Variants in DLC1 observed in about 807,000 individuals in gnomAD.
The protein encoded by DLC1 is rho GTPase-activating protein 7.
Under a neutral mutation model 140.3 loss-of-function variants are expected in DLC1, and 54 were observed. The ratio of observed to expected loss-of-function variants is 0.38; its 90% CI spans 0.31 to 0.48. The LOEUF (loss-of-function observed/expected upper bound fraction) is 0.48. DLC1 is among the 20% of genes least tolerant of loss of function. The probability of loss-of-function intolerance (pLI) is 0.96; values close to 1 mark genes in which losing one functional copy is unlikely to be tolerated. For missense variants in DLC1, 2,536 were observed against 1,907.0 expected, an observed-to-expected ratio of 1.33 and a Z score of -6.14; for synonymous variants, 986 against 728.1, an observed-to-expected ratio of 1.35 and a Z score of -5.70.
intron 5 of DLC1, among the ~76,000 whole-genome samples, chr8:13,299,731 G>C (rs1832109371): frequency 6.6e-6 from 1 of 152,098 alleles, no homozygotes. Flanking sequence ...ACATTGAGGG[G>C]AGTTTAATAA....
At chr8:13,312,386 A>AAAAAT (rs71207139) in intron 4 of DLC1, among the ~76,000 whole-genome samples, 9 of 81,698 alleles carry the variant, frequency 1.1e-4, no homozygotes, top group South Asian at 4.5e-4. Context: ...AAAAAAAAAA[A>AAAAAT]AATAATTTCT....
rs749310607 is a variant in DLC1 at position 13,110,807 on chromosome 8, G to A, written c.1437C>T (p.Ile479=). ...GCTCTCTCTTGACCAAGGAAATATC[G>A]ATGGGGAACAGGAAATCTATGAGAA... ...AQLYEDFLFP[I]DISLVKREHD... The change falls in exon 7 of 18, where the codon ATC becomes ATT. Residue 479 remains isoleucine (I), a synonymous_variant. Transcript: ENST00000276297. 9 of 1,613,924 alleles carry A rather than the reference G, an allele frequency of 5.6e-6. No individual in the cohort carries two copies. Among genetic ancestry groups the A allele is most frequent in the East Asian group, 4.5e-5 (2 of 44,878 alleles).
At chr8:13,395,545 C>T (rs539184112) in intron 3 of DLC1, among the ~76,000 whole-genome samples, 3 of 152,138 alleles carry the variant, frequency 2.0e-5, no homozygotes, top group Admixed American at 6.5e-5. Flanking sequence ...AGAACATGAT[C>T]GTTAAATACA....
At chr8:13,304,829 A>T (rs1832350248) in intron 5 of DLC1, 1 of 980,012 alleles carries the variant, frequency 1.0e-6, no homozygotes, top group African/African-American at 1.7e-5. Context: ...CAATACAATT[A>T]TTCACATTGC....
chr8:13,199,511 C>T (rs1458564176), intron 5 of DLC1, among the ~76,000 whole-genome samples: 1 of 152,150 alleles, frequency 6.6e-6, no homozygotes, highest in Non-Finnish European at 1.5e-5. Context: ...ACTGCAACAT[C>T]ATGCCCCCTG....
chr8:13,092,742 G>A lies in DLC1; in HGVS notation c.3610C>T (p.Leu1204=). The change falls in exon 13 of 18, where the codon CTG becomes TTG. Residue 1204 remains leucine, a synonymous_variant. Coordinates refer to ENST00000276297, the MANE Select transcript of DLC1 (RefSeq NM_182643.3). Reference sequence around the variant, plus strand: ...GTGACATCGCTCAGGAAATAAAGCAGGGTCTGCAGAACCTCCCGGTTCTCG... The same window carrying A: ...GTGACATCGCTCAGGAAATAAAGCAAGGTCTGCAGAACCTCCCGGTTCTCG... The part of the protein sequence containing the change: ...PDENREVLQT[L]LYFLSDVTAA... 6.2e-7 allele frequency: 1 copy of A among 1,614,128 alleles called. No individual in the cohort carries two copies. Among genetic ancestry groups the A allele is most frequent in the Non-Finnish European group, 8.5e-7 (1 of 1,180,018 alleles).
intron 6 of DLC1, among the ~76,000 whole-genome samples, chr8:13,112,620 G>C (rs1356523311): frequency 2.0e-5 from 3 of 152,210 alleles, no homozygotes; most frequent in African/African-American, 4.8e-5. Context: ...AAGACTTATA[G>C]TCAATGGAAA....
At chr8:13,220,873 G>A (rs1406561638) in intron 5 of DLC1, among the ~76,000 whole-genome samples, 3 of 152,180 alleles carry the variant, frequency 2.0e-5, no homozygotes, top group African/African-American at 7.2e-5. Flanking sequence ...TGGAAAGGGT[G>A]ACTGTGGGCC....
At chr8:13,421,931 A>T (rs1252738186) in intron 2 of DLC1, among the ~76,000 whole-genome samples, 1 of 152,168 alleles carries the variant, frequency 6.6e-6, no homozygotes, top group Non-Finnish European at 1.5e-5. Context: ...TACCCATGAA[A>T]GGGACCCATA....
chr8:13,341,348 G>A (rs1008177837), intron 4 of DLC1: 6 of 152,214 alleles, frequency 3.9e-5, no homozygotes, highest in South Asian at 4.2e-4. Flanking sequence ...CTTTGGGAAC[G>A]GACATGTGCT....
intron 1 of DLC1, among the ~76,000 whole-genome samples, chr8:13,571,633 C>A (rs1804655480): frequency 6.6e-6 from 1 of 152,174 alleles, no homozygotes; most frequent in Non-Finnish European, 1.5e-5. Flanking sequence ...ATTGCTCCCA[C>A]TTTTTGGCTA....
chr8:13,496,750 A>G (rs1801521799), intron 2 of DLC1, among the ~76,000 whole-genome samples: 1 of 150,448 alleles, frequency 6.6e-6, no homozygotes, highest in Admixed American at 6.7e-5. Context: ...CATTCCATAC[A>G]ATAGATAAAT....
intron 7 of DLC1, among the ~76,000 whole-genome samples, chr8:13,107,715 C>T (rs1343102564): frequency 6.6e-6 from 1 of 152,174 alleles, no homozygotes; most frequent in African/African-American, 2.4e-5. Context: ...ACTATCTCAA[C>T]TACACTATGC....
intron 5 of DLC1, among the ~76,000 whole-genome samples, chr8:13,135,626 G>C (rs1822513682): frequency 6.6e-6 from 1 of 152,148 alleles, no homozygotes. Flanking sequence ...TAAAAATTCA[G>C]ACTTTAAAAA....
At chr8:13,151,022 T>G (rs1407947318) in intron 5 of DLC1, among the ~76,000 whole-genome samples, 1 of 152,124 alleles carries the variant, frequency 6.6e-6, no homozygotes, top group Non-Finnish European at 1.5e-5. Context: ...AACAGGGTAG[T>G]TGGGAGGTAA....
chr8:13,582,696 A>AT (rs1379627585), intron 1 of DLC1, among the ~76,000 whole-genome samples: 4 of 151,016 alleles, frequency 2.6e-5, no homozygotes, highest in Admixed American at 2.0e-4. Flanking sequence ...ATATATATAT[A>AT]TATTTTTTCC....
chr8:13,357,755 T>C (rs79657330), intron 4 of DLC1, among the ~76,000 whole-genome samples: 55 of 152,340 alleles, frequency 3.6e-4, no homozygotes, highest in Non-Finnish European at 6.9e-4. Flanking sequence ...GCAATAGATA[T>C]GTTGAACTCT....
intron 1 of DLC1, among the ~76,000 whole-genome samples, chr8:13,575,347 G>A (rs1479466666): frequency 6.6e-6 from 1 of 152,050 alleles, no homozygotes; most frequent in African/African-American, 2.4e-5. Flanking sequence ...AGGGTTAGGA[G>A]GGGGGTACGA....
chr8:13,345,553 T>TTTA (rs1834294896), intron 4 of DLC1, among the ~76,000 whole-genome samples: 1 of 120,094 alleles, frequency 8.3e-6, no homozygotes, highest in African/African-American at 3.0e-5. Context: ...CACACTTTTT[T>TTTA]TTTTTTTTTT....
Sources: allele counts gnomAD v4.1 joint callset (sites outside exome capture counted in the v4.1 genomes callset), GRCh38; gene constraint gnomAD v4.1.1; transcripts MANE v1.5; gene names NCBI Gene and HGNC (gene_info 2026-07-23, HGNC 2026-07-21).